Variants in RXRG observed in about 807,000 individuals in gnomAD.
RXRG encodes retinoid X receptor gamma.
Under a neutral mutation model 49.2 loss-of-function variants are expected in RXRG, and 19 were observed. The observed-to-expected ratio is 0.39, with a 90% CI of 0.27 to 0.57. RXRG has a LOEUF of 0.57. RXRG is among the 20% of genes least tolerant of loss of function. The probability of loss-of-function intolerance (pLI) is 0.64; values close to 1 mark genes in which losing one functional copy is unlikely to be tolerated. For missense variants in RXRG, 452 were observed against 592.5 expected (o/e 0.76, Z 2.46); for synonymous variants, 224 against 216.6 (o/e 1.03, Z -0.30).
At position 165,409,328 on chromosome 1, in the gene RXRG, A is replaced by G. The variant is rs373416772; in HGVS notation, c.1046+230T>C. Reference sequence around the variant, plus strand: ...GTGGCTCCATCTTATTGTGATCTCAATCTTTCTTTTAATCTCTCCCTCATT... The same window carrying G: ...GTGGCTCCATCTTATTGTGATCTCAGTCTTTCTTTTAATCTCTCCCTCATT... On this transcript the variant is annotated intron_variant, in intron 7 of 9. Transcript: ENST00000359842. Among the ~76,000 whole-genome samples the G allele has an allele frequency of 2.6e-5, 4 of 152,230 alleles. No homozygotes were observed. The East Asian group carries it at 5.8e-4, about 22-fold the overall frequency.
At chr1:165,422,853 T>G (rs1362643298) in intron 2 of RXRG, among the ~76,000 whole-genome samples, 1 of 152,212 alleles carries the variant, frequency 6.6e-6, no homozygotes, top group Non-Finnish European at 1.5e-5. Context: ...CAGGTCTGAC[T>G]GCTTGGAGCC....
chr1:165,424,972 G>A (rs1334901146), intron 2 of RXRG: 5 of 985,222 alleles, frequency 5.1e-6, no homozygotes, highest in Non-Finnish European at 6.0e-6. Context: ...ACTGCTCAGG[G>A]TCTCAGGCTG....
chr1:165,415,434 T>A (rs1040634169), intron 4 of RXRG, among the ~76,000 whole-genome samples: 3 of 152,198 alleles, frequency 2.0e-5, no homozygotes, highest in African/African-American at 7.2e-5. Context: ...CCAATCTACT[T>A]GTTCAAAGCC....
rs1471332310 is a variant in RXRG at position 165,410,935 on chromosome 1, C to T, written c.783+14G>A. 1 of 1,613,854 alleles carries T rather than the reference C, an allele frequency of 6.2e-7. No individual in the cohort carries two copies. Among genetic ancestry groups the T allele is most frequent in the East Asian group, 2.2e-5 (1 of 44,880 alleles). On this transcript the variant is annotated intron_variant, in intron 5 of 9. Transcript: ENST00000359842. Reference sequence around the variant, plus strand: ...CAAGAAATGGAACACACATGTGTGTCTAAGAGCACATACCGAGTTCTCCAT... The same window carrying T: ...CAAGAAATGGAACACACATGTGTGTTTAAGAGCACATACCGAGTTCTCCAT...
chr1:165,413,271 CA>C (rs1472536872), intron 4 of RXRG, among the ~76,000 whole-genome samples: 2 of 152,234 alleles, frequency 1.3e-5, no homozygotes, highest in East Asian at 3.9e-4. Context: ...AAAATAAAAC[CA>C]AACTTCTGCC....
At chr1:165,419,566 C>G (rs1217337266) in intron 3 of RXRG, among the ~76,000 whole-genome samples, 1 of 152,118 alleles carries the variant, frequency 6.6e-6, no homozygotes, top group Non-Finnish European at 1.5e-5. Context: ...TGAGCCACCA[C>G]ACCCAGCAGA....
chr1:165,410,403 T>C (rs1379846665), intron 6 of RXRG, among the ~76,000 whole-genome samples: 1 of 152,230 alleles, frequency 6.6e-6, no homozygotes, highest in Non-Finnish European at 1.5e-5. Flanking sequence ...AATACCTCTA[T>C]TTGCCAATTT....
intron 2 of RXRG, among the ~76,000 whole-genome samples, chr1:165,424,518 T>C (rs2101729753): frequency 6.6e-6 from 1 of 152,322 alleles, no homozygotes; most frequent in South Asian, 2.1e-4. Flanking sequence ...AACCCCACGA[T>C]AAAGAAAAGG....
At chr1:165,421,460 C>T (rs1396202179) in intron 2 of RXRG, among the ~76,000 whole-genome samples, 2 of 151,556 alleles carry the variant, frequency 1.3e-5, no homozygotes, top group Admixed American at 6.6e-5. Context: ...TGAAAAAAAA[C>T]ATGGACCTCA....
At chr1:165,402,053 A>T (rs1287675612) in intron 9 of RXRG, among the ~76,000 whole-genome samples, 1 of 151,876 alleles carries the variant, frequency 6.6e-6, no homozygotes, top group Non-Finnish European at 1.5e-5. Context: ...CACAGTCACC[A>T]AATTTTTGTT....
Position 165,428,795 on chromosome 1 carries a change from G to A in RXRG, c.221C>T (p.Thr74Ile), listed in dbSNP as rs1415373979. 4 of 1,613,916 alleles carry A rather than the reference G, an allele frequency of 2.5e-6. No homozygotes were observed. The highest frequency in any genetic ancestry group is 2.7e-5 in the African/African-American group (2 of 75,030). Residue 74 changes from threonine to isoleucine, a missense_variant, in exon 2 of 10, where the codon ACC becomes ATC. Physicochemically the swap from Thr to Ile is moderately conservative, Grantham distance 89 (BLOSUM62 -1). Coordinates refer to ENST00000359842, the MANE Select transcript of RXRG (RefSeq NM_006917.5). ...NALGSPYRVI[T>I]SAMGPPSGAL... ...TCCTGAGGGTGGGCCCATGGCAGAG[G>A]TGATGACTCGATATGGAGAGCCCAG...
At chr1:165,418,830 G>C (rs1001897100) in intron 3 of RXRG, among the ~76,000 whole-genome samples, 1 of 152,194 alleles carries the variant, frequency 6.6e-6, no homozygotes, top group Non-Finnish European at 1.5e-5. Flanking sequence ...GGCTGTGGCT[G>C]GTGTGCTATT....
chr1:165,420,266 T>C (rs1256828362), intron 2 of RXRG, among the ~76,000 whole-genome samples: 5 of 152,194 alleles, frequency 3.3e-5, no homozygotes, highest in Non-Finnish European at 7.3e-5. Flanking sequence ...TTAGAGTCTA[T>C]CTGCTTTTAT....
Position 165,428,817 on chromosome 1 carries a change from C to T in RXRG, c.199G>A (p.Gly67Ser). The change falls in exon 2 of 10, where the codon GGC becomes AGC. Residue 67 changes from glycine to serine, a missense_variant. Physicochemically the swap from Gly to Ser is moderately conservative, Grantham distance 56. Around this residue, in one of 2 missense-constraint regions of RXRG, gnomAD observed 166 missense variants for 151.7 expected, o/e 1.09. Coordinates refer to ENST00000359842, the MANE Select transcript of RXRG (RefSeq NM_006917.5). ...SAVGTPLNAL[G>S]SPYRVITSAM... ...GAGGTGATGACTCGATATGGAGAGC[C>T]CAGGGCATTGAGGGGGGTCCCCACT... 1 of 1,614,124 alleles carries T rather than the reference C, an allele frequency of 6.2e-7. No individual in the cohort carries two copies.
Position 165,444,835 on chromosome 1 carries a change from A to G in RXRG, c.49+10T>C, listed in dbSNP as rs761741757. On this transcript the variant is annotated intron_variant, in intron 1 of 9. Transcript: ENST00000359842. The stretch of plus-strand genomic sequence containing the variant: ...AGGTCCACGCAGTGAAGCCCAAGGG[A>G]GATACTTACCTCCATAGCCTGCGGG... 64 of 1,613,312 alleles carry G rather than the reference A, an allele frequency of 4.0e-5. No homozygotes were observed. The highest frequency in any genetic ancestry group is 3.3e-4 in the Middle Eastern group (2 of 6,084).
At chr1:165,406,589 T>A (rs1657757277) in intron 9 of RXRG, among the ~76,000 whole-genome samples, 1 of 152,256 alleles carries the variant, frequency 6.6e-6, no homozygotes, top group Non-Finnish European at 1.5e-5. Context: ...GTACTATGTG[T>A]CGGGCACTAT....
At chr1:165,412,414 G>A (rs1033613222) in intron 4 of RXRG, among the ~76,000 whole-genome samples, 1 of 152,168 alleles carries the variant, frequency 6.6e-6, no homozygotes, top group African/African-American at 2.4e-5. Context: ...AGAGAGAACA[G>A]AGAGGAGAAA....
At chr1:165,406,383 C>T (rs1657750559) in intron 9 of RXRG, among the ~76,000 whole-genome samples, 1 of 152,244 alleles carries the variant, frequency 6.6e-6, no homozygotes, top group African/African-American at 2.4e-5. Flanking sequence ...GACCAGAAAG[C>T]AATGCAGTCA....
chr1:165,437,383 T>A (rs902683043), intron 1 of RXRG, among the ~76,000 whole-genome samples: 1 of 152,144 alleles, frequency 6.6e-6, no homozygotes, highest in Admixed American at 6.5e-5. Context: ...TTCTGCACAT[T>A]TTTCTTAGGG....
Sources: allele counts gnomAD v4.1 joint callset (sites outside exome capture counted in the v4.1 genomes callset), GRCh38; gene constraint gnomAD v4.1.1; regional missense constraint gnomAD v4.1.1; transcripts MANE v1.5; gene names NCBI Gene and HGNC (gene_info 2026-07-23, HGNC 2026-07-21).